The following PDE7B variants were observed in gnomAD, a reference collection of about 807,000 sequenced individuals.
PDE7B encodes 3',5'-cyclic-AMP phosphodiesterase 7B.
Under a neutral mutation model 56.2 loss-of-function variants are expected in PDE7B, and 29 were observed. That is an observed-to-expected ratio of 0.52 (90% CI 0.38 to 0.70). The LOEUF is 0.70. Among genes scored for constraint, PDE7B ranks in the 30% least tolerant of loss-of-function variants. PDE7B has a pLI of 0.00. For synonymous variants in PDE7B, 197 were observed against 196.9 expected (o/e 1.00, Z 0.00); for missense variants, 490 against 565.0 (o/e 0.87, Z 1.35).
intron 2 of PDE7B, among the ~76,000 whole-genome samples, chr6:135,989,916 T>C (rs1178070223): frequency 6.6e-6 from 1 of 152,054 alleles, no homozygotes; most frequent in African/African-American, 2.4e-5. Context: ...GTCTCAAATG[T>C]AGTTATAGAT....
chr6:136,194,646 A>ACTT lies in PDE7B; in HGVS notation c.*2807_*2809dup, dbSNP rs1779285611. ...GGTGGCTCACGCCTGTAATCCTAGC[A>ACTT]CTTTGGGAGGCCAAGTTGGGCAGAT... On this transcript the variant is annotated 3_prime_UTR_variant, in exon 13 of 13. Coordinates refer to ENST00000308191, the MANE Select transcript of PDE7B (RefSeq NM_018945.4). 6.6e-6 allele frequency: 1 copy of ACTT among 152,254 alleles called. No homozygotes were observed. The highest frequency in any genetic ancestry group is 2.1e-4 in the South Asian group (1 of 4,834). The allele number at this position is 152,254 out of a possible 1,614,324, so 9.4% of individuals were successfully genotyped here.
chr6:136,122,648 T>C (rs551450977), intron 3 of PDE7B, among the ~76,000 whole-genome samples: 10 of 152,234 alleles, frequency 6.6e-5, no homozygotes, highest in Non-Finnish European at 1.5e-4. Context: ...AATTCTAAAA[T>C]TAGCTGGTAT....
chr6:135,906,832 T>TGTTTTTTTTTTTTTTTG (rs1776124229), intron 1 of PDE7B, among the ~76,000 whole-genome samples: 1 of 144,008 alleles, frequency 6.9e-6, no homozygotes, highest in African/African-American at 2.7e-5. Context: ...TTTTTTTTTT[T>TGTTTTTTTTTTTTTTTG]TTTTAATCCT....
At chr6:136,053,520 T>C (rs1013760544) in intron 2 of PDE7B, among the ~76,000 whole-genome samples, 6 of 152,084 alleles carry the variant, frequency 3.9e-5, no homozygotes, top group Admixed American at 1.3e-4. Context: ...AATAAACATA[T>C]GTGTGCATGT....
chr6:135,889,539 C>G (rs539648600), intron 1 of PDE7B, among the ~76,000 whole-genome samples: 4 of 145,922 alleles, frequency 2.7e-5, no homozygotes, highest in Admixed American at 1.4e-4. Flanking sequence ...CTCCTGGGTT[C>G]AAGTGATTCT....
At position 136,193,018 on chromosome 6, in the gene PDE7B, GA is replaced by G. The variant is rs143179270; in HGVS notation, c.*1179del. The G allele has an allele frequency of 1.3e-5, 2 of 152,650 alleles. No individual in the cohort carries two copies. Among genetic ancestry groups the G allele is most frequent in the East Asian group, 3.9e-4 (2 of 5,184 alleles). 9.5% of individuals were successfully genotyped at this position (152,650 alleles called of 1,614,324 possible). A position where few individuals can be genotyped will look rare whatever the true frequency, so the allele number is the denominator to read the frequency against. Reference sequence around the variant, plus strand: ...TATGGCACCAAGCATCGTTTCCTCAGATTAATGAGACCCTTCAACAAGCCTG... The same window carrying G: ...TATGGCACCAAGCATCGTTTCCTCAGTTAATGAGACCCTTCAACAAGCCTG... On this transcript the variant is annotated 3_prime_UTR_variant, in exon 13 of 13. Coordinates refer to ENST00000308191, the MANE Select transcript of PDE7B (RefSeq NM_018945.4).
intron 6 of PDE7B, among the ~76,000 whole-genome samples, chr6:136,152,530 C>T (rs552485097): frequency 7.2e-5 from 11 of 152,284 alleles, no homozygotes; most frequent in Middle Eastern, 3.4e-3. Context: ...AATATGAGCC[C>T]AAGCCTAGCT....
At chr6:136,153,433 G>C (rs1014463863) in intron 6 of PDE7B, among the ~76,000 whole-genome samples, 8 of 152,104 alleles carry the variant, frequency 5.3e-5, no homozygotes, top group African/African-American at 1.9e-4. Context: ...AACCAAAATC[G>C]CCTTGCCTGT....
chr6:136,150,753 G>T (rs1778497160), intron 5 of PDE7B, among the ~76,000 whole-genome samples: 1 of 152,136 alleles, frequency 6.6e-6, no homozygotes, highest in African/African-American at 2.4e-5. Context: ...AAGCAATATG[G>T]TGGTTTAGAT....
At chr6:136,037,845 A>G in intron 2 of PDE7B, 1 of 985,426 alleles carries the variant, frequency 1.0e-6, no homozygotes, top group Non-Finnish European at 1.2e-6. Context: ...CAAATAAATC[A>G]GAAGAAAGAA....
rs10625572 is a variant in PDE7B, at chr6:136,156,162, AGTGTGTGTGT to A, written c.711+435_711+444del. On this transcript the variant is annotated intron_variant, in intron 8 of 12. Coordinates refer to ENST00000308191, the MANE Select transcript of PDE7B (RefSeq NM_018945.4). ...AGGAAAGAGAAGAGAGAATGATCCA[AGTGTGTGTGT>A]GTGTGTGTGTGTGTGTGTGTGTGTG... is the stretch of plus-strand genomic sequence containing the variant. 1.2e-3 allele frequency: 297 copies of A among 252,074 alleles called. 1 individual carries two copies. The highest frequency in any genetic ancestry group is 4.2e-3 in the South Asian group (112 of 26,366). 15.6% of individuals were successfully genotyped at this position (252,074 alleles called of 1,614,324 possible). A position where few individuals can be genotyped will look rare whatever the true frequency, so the allele number is the denominator to read the frequency against.
intron 8 of PDE7B, among the ~76,000 whole-genome samples, chr6:136,156,865 C>A (rs1162453843): frequency 6.6e-6 from 1 of 152,090 alleles, no homozygotes; most frequent in Admixed American, 6.5e-5. Context: ...TATATACCAT[C>A]ACTATTAACT....
At chr6:136,122,941 T>C (rs931145122) in intron 3 of PDE7B, among the ~76,000 whole-genome samples, 1 of 152,210 alleles carries the variant, frequency 6.6e-6, no homozygotes, top group African/African-American at 2.4e-5. Flanking sequence ...ACACTAAGAC[T>C]GCTGGGATAT....
chr6:135,977,112 A>G (rs896141195), intron 2 of PDE7B, among the ~76,000 whole-genome samples: 1 of 152,150 alleles, frequency 6.6e-6, no homozygotes, highest in African/African-American at 2.4e-5. Flanking sequence ...TTGGCCCTTT[A>G]TAGCAAGAAG....
chr6:135,994,617 A>G (rs577721811), intron 2 of PDE7B, among the ~76,000 whole-genome samples: 1 of 152,290 alleles, frequency 6.6e-6, no homozygotes, highest in East Asian at 1.9e-4. Context: ...ATTGGAAGAG[A>G]CTTTTTAAAC....
At chr6:136,139,297 A>G (rs886149023) in intron 3 of PDE7B, among the ~76,000 whole-genome samples, 1 of 152,084 alleles carries the variant, frequency 6.6e-6, no homozygotes, top group Non-Finnish European at 1.5e-5. Context: ...AAGGACATGA[A>G]CTCATCACTT....
chr6:136,173,918 T>C lies in PDE7B; in HGVS notation c.803+30T>C, dbSNP rs577641500. 2.9e-5 allele frequency: 43 copies of C among 1,473,250 alleles called. No individual in the cohort carries two copies. The East Asian group carries it at 3.2e-4, about 11-fold the overall frequency. The allele number at this position is 1,473,250 out of a possible 1,614,324, so 91.3% of individuals were successfully genotyped here. On this transcript the variant is annotated intron_variant, in intron 9 of 12. Transcript: ENST00000308191. ...GTGCTGCCGAGATGAAACATACTGA[T>C]GTGCATGCAGTAAAGATAAGCCACT...
intron 1 of PDE7B, among the ~76,000 whole-genome samples, chr6:135,886,389 C>A (rs1775710309): frequency 6.6e-6 from 1 of 151,684 alleles, no homozygotes; most frequent in Admixed American, 6.6e-5. Flanking sequence ...TTTTTTATTT[C>A]AGTAGTTTTT....
At chr6:136,021,979 A>T (rs1776079526) in intron 2 of PDE7B, among the ~76,000 whole-genome samples, 1 of 152,054 alleles carries the variant, frequency 6.6e-6, no homozygotes, top group South Asian at 2.1e-4. Context: ...TTGGTCACTG[A>T]GTCTCTGTCA....
Sources: gnomAD v4.1 joint callset for allele counts (sites outside exome capture counted in the v4.1 genomes callset) on GRCh38, gnomAD v4.1.1 for gene constraint, MANE v1.5 for transcripts, NCBI Gene and HGNC (gene_info 2026-07-23, HGNC 2026-07-21) for gene names.